The following PCGF6 variants were observed in gnomAD, a reference collection of about 807,000 sequenced individuals.
The protein encoded by PCGF6 is polycomb group ring finger 6.
PCGF6 carries 24 observed loss-of-function variants against 45.5 expected under a neutral mutation model. The ratio of observed to expected loss-of-function variants is 0.53; its 90% CI spans 0.38 to 0.74. PCGF6 has a LOEUF of 0.74. PCGF6 is among the 30% of genes least tolerant of loss of function. PCGF6 has a pLI of 0.00. For missense variants in PCGF6, 356 were observed against 443.2 expected, an observed-to-expected ratio of 0.80 and a Z score of 1.77; for synonymous variants, 152 against 162.1, an observed-to-expected ratio of 0.94 and a Z score of 0.47.
intron 7 of PCGF6, among the ~76,000 whole-genome samples, chr10:103,330,946 A>T (rs1342180266): frequency 6.6e-6 from 1 of 151,716 alleles, no homozygotes; most frequent in East Asian, 1.9e-4. Context: ...AAAAAAAGAA[A>T]CCTGTACCTC....
In PCGF6 at chr10:103,350,897, G is replaced by C. The variant is rs1409836749; in HGVS notation, c.170C>G (p.Ser57Cys). ...CTCCAGCTCAGGGGGCCGGGAGCCG[G>C]AGCAGCCGGGAGCCCCCGTCTCAGA... ...PLSETGAPGC[S>C]GSRPPELEPE... The change falls in exon 1 of 10, where the codon TCC (serine) becomes TGC (cysteine). Residue 57 changes from serine to cysteine, a missense_variant. Physicochemically the swap from Ser to Cys is moderately radical, Grantham distance 112 (BLOSUM62 -1). This residue lies in a region of PCGF6 where 307 missense variants were observed against 350.1 expected (regional missense o/e 0.88). Transcript: ENST00000369847. 3 of 1,526,168 alleles carry C rather than the reference G, an allele frequency of 2.0e-6. No homozygotes were observed. The highest frequency in any genetic ancestry group is 2.5e-5 in the East Asian group (1 of 39,466). 94.5% of individuals were successfully genotyped at this position (1,526,168 alleles called of 1,614,324 possible).
intron 7 of PCGF6, 127 bp downstream of exon 7, chr10:103,333,795 TATA>T (rs763751536): frequency 1.9e-4 from 122 of 625,996 alleles, no homozygotes; most frequent in Middle Eastern, 4.3e-4. Context: ...TTCATAAATC[TATA>T]ATATTATTAA....
In PCGF6 at chr10:103,347,229, C is replaced by T; in HGVS notation, c.673+9G>A. Reference sequence around the variant, plus strand: ...CTGTAAGTACATTATAGTATACACCCAAACTTACCAGGTTTAGGTACTTCT... The same window carrying T: ...CTGTAAGTACATTATAGTATACACCTAAACTTACCAGGTTTAGGTACTTCT... On this transcript the variant is annotated intron_variant, in intron 5 of 9. Coordinates refer to ENST00000369847, the MANE Select transcript of PCGF6 (RefSeq NM_001011663.2). The T allele has an allele frequency of 6.3e-7, 1 of 1,594,790 alleles. No homozygotes were observed.
intron 6 of PCGF6, among the ~76,000 whole-genome samples, chr10:103,343,981 A>G (rs2093290628): frequency 6.6e-6 from 1 of 152,100 alleles, no homozygotes; most frequent in Non-Finnish European, 1.5e-5. Flanking sequence ...GAATTTGTTT[A>G]CGGCAACATT....
In PCGF6 at chr10:103,302,984, T is replaced by C. The variant is rs2093124531; in HGVS notation, c.*921A>G. ...CACAATGCTAATTTTAGGCAAATAA[T>C]GTTTTAAAACTGAAGTCTTTGCATG... On this transcript the variant is annotated 3_prime_UTR_variant, in exon 10 of 10. Transcript: ENST00000369847. 6.6e-6 allele frequency: 1 copy of C among 152,634 alleles called. No individual in the cohort carries two copies. Among genetic ancestry groups the C allele is most frequent in the Non-Finnish European group, 1.5e-5 (1 of 68,046 alleles). The allele number at this position is 152,634 out of a possible 1,614,324, so 9.5% of individuals were successfully genotyped here.
Position 103,329,353 on chromosome 10 carries a change from C to T in PCGF6, c.811-2721G>A, listed in dbSNP as rs2133578143. The stretch of plus-strand genomic sequence containing the variant: ...CCGCACCCGGCCCCAATTTCTTAAA[C>T]CTAGTAGAAAATGATTTTATTGTTT... On this transcript the variant is annotated intron_variant, in intron 7 of 9. Transcript: ENST00000369847. 1.3e-5 allele frequency among the ~76,000 whole-genome samples: 2 copies of T among 150,626 alleles called. 1 individual carries two copies. Among genetic ancestry groups the T allele is most frequent in the South Asian group, 4.2e-4 (2 of 4,762 alleles).
rs758025044 is a variant in PCGF6 at position 103,303,855 on chromosome 10, G to A, written c.*50C>T. 3.4e-6 allele frequency: 5 copies of A among 1,483,014 alleles called. No individual in the cohort carries two copies. The highest frequency in any genetic ancestry group is 3.8e-6 in the Non-Finnish European group (4 of 1,065,776). 91.9% of individuals were successfully genotyped at this position (1,483,014 alleles called of 1,614,324 possible). A position where few individuals can be genotyped will look rare whatever the true frequency, so the allele number is the denominator to read the frequency against. On this transcript the variant is annotated 3_prime_UTR_variant, in exon 10 of 10. Coordinates refer to ENST00000369847, the MANE Select transcript of PCGF6 (RefSeq NM_001011663.2). ...TCATGGAAATCTTTGGTGAGATGCAGTCCTGCAGAAGCCTCCTTTGTTTCC... is the reference window on the plus strand; with the variant it reads ...TCATGGAAATCTTTGGTGAGATGCAATCCTGCAGAAGCCTCCTTTGTTTCC...
intron 6 of PCGF6, among the ~76,000 whole-genome samples, chr10:103,337,170 T>C (rs2093260172): frequency 6.6e-6 from 1 of 152,164 alleles, no homozygotes; most frequent in South Asian, 2.1e-4. Context: ...CTGAACACAA[T>C]ACTCTTGTTG....
rs1479276491 is a variant in PCGF6 at position 103,315,994 on chromosome 10, G to GTGTATA, written c.910-1723_910-1722insTATACA. On this transcript the variant is annotated intron_variant, in intron 8 of 9. Transcript: ENST00000369847. ...TGTGTGTGTGTGTGTGTGTGTGTGT[G>GTGTATA]TATATATATATATATATATAGAGAG... Among the ~76,000 whole-genome samples, 6 of 131,974 alleles carry GTGTATA rather than the reference G, an allele frequency of 4.5e-5. No individual in the cohort carries two copies. The East Asian group carries it at 6.6e-4, about 14-fold the overall frequency. 86.6% of individuals were successfully genotyped at this position (131,974 alleles called of 152,430 possible).
At chr10:103,308,028 G>A (rs2093143864) in intron 9 of PCGF6, among the ~76,000 whole-genome samples, 1 of 152,166 alleles carries the variant, frequency 6.6e-6, no homozygotes, top group African/African-American at 2.4e-5. Flanking sequence ...TTGAGGTCAG[G>A]AGTTCAAGAC....
intron 7 of PCGF6, among the ~76,000 whole-genome samples, chr10:103,333,304 C>T (rs1269345959): frequency 6.6e-6 from 1 of 152,014 alleles, no homozygotes; most frequent in Non-Finnish European, 1.5e-5. Flanking sequence ...TATAATTCAC[C>T]TAACTTTCAG....
Position 103,348,687 on chromosome 10 carries a change from T to C in PCGF6, c.557+29A>G, listed in dbSNP as rs182865427. 4.4e-5 allele frequency: 62 copies of C among 1,417,098 alleles called. No individual in the cohort carries two copies. In the East Asian group the frequency reaches 8.8e-4, roughly 20 times the overall value. The allele number at this position is 1,417,098 out of a possible 1,614,324, so 87.8% of individuals were successfully genotyped here. A position where few individuals can be genotyped will look rare whatever the true frequency, so the allele number is the denominator to read the frequency against. On this transcript the variant is annotated intron_variant, in intron 3 of 9. Coordinates refer to ENST00000369847, the MANE Select transcript of PCGF6 (RefSeq NM_001011663.2). ...GCTTTCAGAAAAAGTATATTTAAAA[T>C]ACAATTGTAATTTATATATTCTTCT...
intron 9 of PCGF6, among the ~76,000 whole-genome samples, chr10:103,313,002 T>G (rs924078012): frequency 6.9e-6 from 1 of 145,648 alleles, no homozygotes; most frequent in African/African-American, 2.6e-5. Context: ...AAAACAACTT[T>G]CCACTATAGA....
rs1229709384 is a variant in PCGF6 at position 103,350,881 on chromosome 10, A to T, written c.186T>A (p.Pro62=). 3.3e-6 allele frequency: 5 copies of T among 1,534,050 alleles called. No individual in the cohort carries two copies. Among genetic ancestry groups the T allele is most frequent in the Middle Eastern group, 1.9e-4 (1 of 5,186 alleles). The part of the protein sequence containing the change: ...GAPGCSGSRP[P]ELEPERSLGR... ...CCAGGCTGCGCTCCGGCTCCAGCTC[A>T]GGGGGCCGGGAGCCGGAGCAGCCGG... The change falls in exon 1 of 10, where the codon CCT becomes CCA. Residue 62 remains proline, a synonymous_variant. Transcript: ENST00000369847.
At chr10:103,313,443 T>C (rs1441418977) in intron 9 of PCGF6, among the ~76,000 whole-genome samples, 1 of 152,144 alleles carries the variant, frequency 6.6e-6, no homozygotes, top group African/African-American at 2.4e-5. Flanking sequence ...CACATGCCTA[T>C]AATCCCAGCT....
intron 8 of PCGF6, among the ~76,000 whole-genome samples, chr10:103,322,888 A>C (rs965786109): frequency 1.4e-4 from 21 of 150,412 alleles, no homozygotes; most frequent in Admixed American, 6.0e-4. Flanking sequence ...CAAAAAAAAA[A>C]CAAAAAACAA....
chr10:103,311,750 C>A (rs1002259486), intron 9 of PCGF6, among the ~76,000 whole-genome samples: 19 of 152,022 alleles, frequency 1.2e-4, no homozygotes, highest in Admixed American at 6.6e-4. Context: ...GTGCATCACA[C>A]CACACAGCCC....
intron 9 of PCGF6, among the ~76,000 whole-genome samples, chr10:103,307,486 TTTA>T (rs1385167581): frequency 6.6e-6 from 1 of 152,132 alleles, no homozygotes; most frequent in African/African-American, 2.4e-5. Flanking sequence ...ATTTCATTCA[TTTA>T]TTATTTTGAG....
intron 9 of PCGF6, among the ~76,000 whole-genome samples, chr10:103,312,918 G>A (rs959002302): frequency 1.2e-4 from 19 of 152,006 alleles, no homozygotes; most frequent in Non-Finnish European, 2.2e-4. Context: ...CCGAGATCAC[G>A]CCACTGCACT....
Sources: gnomAD v4.1 joint callset for allele counts (sites outside exome capture counted in the v4.1 genomes callset) on GRCh38, gnomAD v4.1.1 for gene constraint, gnomAD v4.1.1 regional missense constraint, MANE v1.5 for transcripts, NCBI Gene and HGNC (gene_info 2026-07-23, HGNC 2026-07-21) for gene names.